The following SOX5 variants were observed in gnomAD, a reference collection of about 807,000 sequenced individuals.
The protein encoded by SOX5 is transcription factor SOX-5.
A neutral mutation model predicts 92.0 loss-of-function variants in SOX5; 9 were observed. The ratio of observed to expected loss-of-function variants is 0.10; its 90% CI spans 0.06 to 0.17. SOX5 has a LOEUF of 0.17. Among genes scored for constraint, SOX5 ranks in the 10% least tolerant of loss-of-function variants. The pLI is 1.00. For missense variants in SOX5, 642 were observed against 944.5 expected (o/e 0.68, Z 4.20); for synonymous variants, 344 against 336.3 (o/e 1.02, Z -0.25).
rs112030348 is a variant in SOX5 at position 24,325,889 on chromosome 12, C to T, written c.-174+42674G>A. 8.9e-3 allele frequency among the ~76,000 whole-genome samples: 1,357 copies of T among 152,254 alleles called. 16 individuals are homozygous for T. Among genetic ancestry groups the T allele is most frequent in the African/African-American group, 0.03 (1,260 of 41,554 alleles). On this transcript the variant is annotated intron_variant, in intron 2 of 4. Transcript: ENST00000446891. ...ATAATACTATCCATACTAGGGGTTG[C>T]GCACACGTGCACGCGCGCGCGTGTG...
At chr12:24,364,904 T>C (rs1449284841) in intron 2 of SOX5, among the ~76,000 whole-genome samples, 1 of 152,028 alleles carries the variant, frequency 6.6e-6, no homozygotes, top group Non-Finnish European at 1.5e-5. Flanking sequence ...GAGTTTATTT[T>C]CTAAATAACA....
At chr12:24,465,624 A>T (rs982380245) in intron 1 of SOX5, among the ~76,000 whole-genome samples, 1 of 152,194 alleles carries the variant, frequency 6.6e-6, no homozygotes, top group Non-Finnish European at 1.5e-5. Flanking sequence ...GCAGCCTGCA[A>T]ATTTTGTATC....
chr12:23,615,686 T>C (rs77460123), intron 8 of SOX5, among the ~76,000 whole-genome samples: 4 of 37,656 alleles, frequency 1.1e-4, no homozygotes, highest in African/African-American at 2.0e-4. Flanking sequence ...GATCTCATTC[T>C]TTTTTTATGG....
At chr12:24,017,840 C>T (rs769166288) in intron 4 of SOX5, among the ~76,000 whole-genome samples, 7 of 152,126 alleles carry the variant, frequency 4.6e-5, no homozygotes, top group Admixed American at 1.3e-4. Context: ...GATGTACTAC[C>T]TGCCTCGTCC....
chr12:24,005,519 G>A (rs1268845294), intron 4 of SOX5, among the ~76,000 whole-genome samples: 1 of 152,146 alleles, frequency 6.6e-6, no homozygotes, highest in African/African-American at 2.4e-5. Flanking sequence ...TCCAGAATTA[G>A]TCTGACATCT....
At chr12:24,498,288 C>A (rs1310484647) in intron 1 of SOX5, among the ~76,000 whole-genome samples, 1 of 151,150 alleles carries the variant, frequency 6.6e-6, no homozygotes, top group Non-Finnish European at 1.5e-5. Flanking sequence ...GGTGTGGAAA[C>A]AAAAGCTAAG....
At chr12:24,196,676 G>A (rs1352851882) in intron 4 of SOX5, among the ~76,000 whole-genome samples, 1 of 152,100 alleles carries the variant, frequency 6.6e-6, no homozygotes, top group Admixed American at 6.6e-5. Context: ...GGCCAATGAG[G>A]GCTGTTCACT....
At chr12:24,394,497 G>T (rs768548965) in intron 1 of SOX5, among the ~76,000 whole-genome samples, 1 of 152,058 alleles carries the variant, frequency 6.6e-6, no homozygotes, top group Non-Finnish European at 1.5e-5. Context: ...CTGATGCAGG[G>T]GCTAGACATC....
intron 1 of SOX5, among the ~76,000 whole-genome samples, chr12:23,914,779 T>C (rs960662572): frequency 3.3e-5 from 5 of 152,182 alleles, no homozygotes; most frequent in Non-Finnish European, 5.9e-5. Flanking sequence ...TAATAAGTAA[T>C]GTACTTGAAA....
At chr12:24,307,862 T>C (rs1948772084) in intron 2 of SOX5, among the ~76,000 whole-genome samples, 1 of 152,002 alleles carries the variant, frequency 6.6e-6, no homozygotes, top group Non-Finnish European at 1.5e-5. Context: ...GAATTACTGT[T>C]ATAGTAGGTA....
chr12:24,357,633 A>C (rs1051683504), intron 2 of SOX5, among the ~76,000 whole-genome samples: 1 of 152,124 alleles, frequency 6.6e-6, no homozygotes, highest in Non-Finnish European at 1.5e-5. Flanking sequence ...GCCTGAGCTC[A>C]GGAGTTCATG....
At chr12:24,166,552 C>T (rs1953433493) in intron 4 of SOX5, among the ~76,000 whole-genome samples, 1 of 152,118 alleles carries the variant, frequency 6.6e-6, no homozygotes, top group African/African-American at 2.4e-5. Context: ...ATAAGATCAC[C>T]TAAGTTTTGA....
At chr12:23,903,205 GAGAT>G (rs1197649285) in intron 1 of SOX5, among the ~76,000 whole-genome samples, 3 of 152,126 alleles carry the variant, frequency 2.0e-5, no homozygotes, top group South Asian at 2.1e-4. Flanking sequence ...AGTGCTACAG[GAGAT>G]AGATAGATAA....
intron 4 of SOX5, among the ~76,000 whole-genome samples, chr12:24,210,736 A>C (rs1263587461): frequency 6.6e-6 from 1 of 152,002 alleles, no homozygotes; most frequent in African/African-American, 2.4e-5. Context: ...TGAATTAAAG[A>C]CATGGAAAAG....
At chr12:24,277,902 T>C (rs192865353) in intron 2 of SOX5, among the ~76,000 whole-genome samples, 12 of 152,302 alleles carry the variant, frequency 7.9e-5, no homozygotes, top group African/African-American at 2.9e-4. Context: ...ATCACTGCTA[T>C]GTATTTCTCT....
At chr12:24,168,918 T>C (rs1243301847) in intron 4 of SOX5, among the ~76,000 whole-genome samples, 1 of 152,118 alleles carries the variant, frequency 6.6e-6, no homozygotes, top group African/African-American at 2.4e-5. Context: ...CCTAGTATGC[T>C]ATCCCTATCA....
intron 4 of SOX5, among the ~76,000 whole-genome samples, chr12:24,017,373 C>T (rs1013549600): frequency 3.9e-5 from 6 of 151,926 alleles, no homozygotes; most frequent in Non-Finnish European, 7.4e-5. Flanking sequence ...CTGAAGTAGG[C>T]GGATCACTTG....
At chr12:24,483,514 T>G (rs1419242449) in intron 1 of SOX5, among the ~76,000 whole-genome samples, 26 of 152,226 alleles carry the variant, frequency 1.7e-4, no homozygotes, top group Admixed American at 1.7e-3. Context: ...AATGAGTACT[T>G]GTGTATTTTA....
chr12:24,440,623 TGTGTGTGTGTGTGTGTGA>T (rs1334238857), intron 1 of SOX5, among the ~76,000 whole-genome samples: 10 of 149,434 alleles, frequency 6.7e-5, no homozygotes, highest in East Asian at 4.0e-4. Flanking sequence ...TGTGTGTGTG[TGTGTGTGTGTGTGTGTGA>T]AGAACAGAAG....
Sources: gnomAD v4.1 joint callset for allele counts (sites outside exome capture counted in the v4.1 genomes callset) on GRCh38, gnomAD v4.1.1 for gene constraint, MANE v1.5 for transcripts, NCBI Gene and HGNC (gene_info 2026-07-23, HGNC 2026-07-21) for gene names.